The following RPS6KC1 variants were observed in gnomAD, a reference collection of about 807,000 sequenced individuals.
RPS6KC1 encodes inactive ribosomal protein S6 kinase delta-1.
RPS6KC1 carries 54 observed loss-of-function variants against 103.8 expected under a neutral mutation model. The ratio of observed to expected loss-of-function variants is 0.52; its 90% CI spans 0.42 to 0.65. The LOEUF is 0.65. RPS6KC1 is among the 30% of genes least tolerant of loss of function. The pLI, the probability that RPS6KC1 is intolerant of heterozygous loss-of-function variation, is 0.00. For missense variants in RPS6KC1, 1,151 were observed against 1,253.8 expected (o/e 0.92, Z 1.24); for synonymous variants, 439 against 438.7 (o/e 1.00, Z -0.01).
chr1:213,766,802 C>T, the RPS6KC1 span, among the ~76,000 whole-genome samples: 12 of 152,146 alleles, frequency 7.9e-5, no homozygotes, highest in South Asian at 6.2e-4. Flanking sequence ...CTCATTATGC[C>T]GTTGGACCTC....
chr1:213,678,370 AG>A, the RPS6KC1 span, among the ~76,000 whole-genome samples: 1 of 152,238 alleles, frequency 6.6e-6, no homozygotes, highest in Non-Finnish European at 1.5e-5. Flanking sequence ...GGTGTCATTC[AG>A]GGTCCTGCTC....
intron 13 of RPS6KC1, among the ~76,000 whole-genome samples, chr1:213,262,141 A>G (rs534539733): frequency 2.0e-5 from 3 of 152,320 alleles, no homozygotes; most frequent in African/African-American, 7.2e-5. Flanking sequence ...TTTGAATATG[A>G]TGTTTGAGTT....
chr1:213,583,162 C>A, the RPS6KC1 span, among the ~76,000 whole-genome samples: 5 of 152,202 alleles, frequency 3.3e-5, no homozygotes, highest in Non-Finnish European at 1.5e-5. Context: ...CATTCACCTG[C>A]TGATGGACTT....
At chr1:213,359,253 A>G in the RPS6KC1 span, among the ~76,000 whole-genome samples, 8 of 152,344 alleles carry the variant, frequency 5.3e-5, no homozygotes, top group South Asian at 1.7e-3. Flanking sequence ...TACTGGGTGC[A>G]TATATATTTA....
chr1:213,283,479 C>G, the RPS6KC1 span, among the ~76,000 whole-genome samples: 1 of 152,124 alleles, frequency 6.6e-6, no homozygotes, highest in Admixed American at 6.6e-5. Flanking sequence ...GAGAAGGAAG[C>G]AATAGTGTAA....
chr1:213,516,870 G>A, the RPS6KC1 span, among the ~76,000 whole-genome samples: 24 of 152,230 alleles, frequency 1.6e-4, no homozygotes, highest in African/African-American at 4.1e-4. Context: ...ACTCTTTTTC[G>A]TTGGTAAGCT....
chr1:213,400,318 G>C, the RPS6KC1 span, among the ~76,000 whole-genome samples: 1 of 152,118 alleles, frequency 6.6e-6, no homozygotes, highest in African/African-American at 2.4e-5. Flanking sequence ...AGGTGGTAGT[G>C]AAATGAAAAT....
chr1:213,523,375 CAG>C, the RPS6KC1 span, among the ~76,000 whole-genome samples: 1 of 152,186 alleles, frequency 6.6e-6, no homozygotes, highest in Non-Finnish European at 1.5e-5. Flanking sequence ...AAACATGACA[CAG>C]AGACATGAAA....
chr1:213,261,538 AC>A lies in RPS6KC1; in HGVS notation c.2912-18del, dbSNP rs1455931732. The A allele has an allele frequency of 6.2e-7, 1 of 1,609,102 alleles. No individual in the cohort carries two copies. The highest frequency in any genetic ancestry group is 1.3e-5 in the African/African-American group (1 of 74,758). The stretch of plus-strand genomic sequence containing the variant: ...ATTGACCTTTGGAATTTTAATATCA[AC>A]CTTTTTTGGTGTGGTTAGAGGTTGG... On this transcript the variant is annotated intron_variant, in intron 12 of 14. Transcript: ENST00000366960.
the RPS6KC1 span, among the ~76,000 whole-genome samples, chr1:213,767,574 C>T: frequency 3.3e-5 from 5 of 151,732 alleles, no homozygotes; most frequent in East Asian, 1.9e-4. Context: ...CTCTGTCAGT[C>T]GCTGGCCTAG....
chr1:213,324,181 A>G, the RPS6KC1 span, among the ~76,000 whole-genome samples: 1 of 152,224 alleles, frequency 6.6e-6, no homozygotes, highest in African/African-American at 2.4e-5. Context: ...AGAGCTAAAT[A>G]TAAGTGAGTG....
chr1:213,440,310 T>A, the RPS6KC1 span, among the ~76,000 whole-genome samples: 2 of 152,096 alleles, frequency 1.3e-5, no homozygotes, highest in Non-Finnish European at 2.9e-5. Flanking sequence ...TGAAGACAAG[T>A]CACAACCAAA....
At chr1:213,125,647 T>C (rs902603652) in intron 5 of RPS6KC1, 1 of 151,894 alleles carries the variant, frequency 6.6e-6, no homozygotes, top group Non-Finnish European at 1.5e-5. Flanking sequence ...TGTGTGTGTG[T>C]GTGTGTGTGT....
the RPS6KC1 span, among the ~76,000 whole-genome samples, chr1:213,282,567 G>A: frequency 2.0e-5 from 3 of 152,240 alleles, no homozygotes; most frequent in African/African-American, 4.8e-5. Context: ...CAGCTCTTCC[G>A]TTTCTTCTGA....
chr1:213,058,980 G>C (rs1357182087), intron 1 of RPS6KC1, among the ~76,000 whole-genome samples: 1 of 152,136 alleles, frequency 6.6e-6, no homozygotes, highest in Non-Finnish European at 1.5e-5. Context: ...TATTTTGTTA[G>C]ATTTATTCCC....
the RPS6KC1 span, among the ~76,000 whole-genome samples, chr1:213,684,209 G>T: frequency 6.6e-6 from 1 of 152,008 alleles, no homozygotes; most frequent in African/African-American, 2.4e-5. Context: ...ATTTCAAAAG[G>T]CCTTTCTGTC....
At chr1:213,763,118 C>T in the RPS6KC1 span, among the ~76,000 whole-genome samples, 1 of 152,180 alleles carries the variant, frequency 6.6e-6, no homozygotes, top group Non-Finnish European at 1.5e-5. Flanking sequence ...CTTGGCCTCC[C>T]AAAGTTCTGG....
chr1:213,077,746 A>C lies in RPS6KC1; in HGVS notation c.192A>C (p.Leu64=). The C allele has an allele frequency of 6.5e-7, 1 of 1,542,164 alleles. No homozygotes were observed. Among genetic ancestry groups the C allele is most frequent in the Non-Finnish European group, 8.9e-7 (1 of 1,126,782 alleles). The change falls in exon 3 of 15, where the codon CTA becomes CTC. Residue 64 remains leucine, a synonymous_variant. Transcript: ENST00000366960. The stretch of plus-strand genomic sequence containing the variant: ...ATTTTAAGAAACTACACAAAGAACT[A>C]TGGCAAATTCACAAAAACTTATTCC... The part of the protein sequence containing the change: ...YSDFKKLHKE[L]WQIHKNLFRH...
chr1:213,340,123 C>T, the RPS6KC1 span, among the ~76,000 whole-genome samples: 1 of 152,082 alleles, frequency 6.6e-6, no homozygotes, highest in African/African-American at 2.4e-5. Context: ...CTTCATGATC[C>T]GTCTGCCTCG....
Sources: gnomAD v4.1 joint callset for allele counts (sites outside exome capture counted in the v4.1 genomes callset) on GRCh38, gnomAD v4.1.1 for gene constraint, MANE v1.5 for transcripts, NCBI Gene and HGNC (gene_info 2026-07-23, HGNC 2026-07-21) for gene names.